The following HPSE2 variants were observed in gnomAD, a reference collection of about 807,000 sequenced individuals.
HPSE2 encodes the protein heparanase 2 (inactive).
HPSE2 carries 38 observed loss-of-function variants against 60.5 expected under a neutral mutation model. The observed-to-expected ratio is 0.63, with a 90% confidence interval of 0.48 to 0.82. The LOEUF (loss-of-function observed/expected upper bound fraction) is 0.82. Among genes scored for constraint, HPSE2 ranks in the 40% least tolerant of loss-of-function variants. The probability of loss-of-function intolerance (pLI) is 0.00; values close to 1 mark genes in which losing one functional copy is unlikely to be tolerated. For synonymous variants in HPSE2, 295 were observed against 293.2 expected, an observed-to-expected ratio of 1.01 and a Z score of -0.06; for missense variants, 713 against 740.4, an observed-to-expected ratio of 0.96 and a Z score of 0.43.
chr10:98,936,289 T>C (rs1954787785), intron 3 of HPSE2, among the ~76,000 whole-genome samples: 1 of 143,710 alleles, frequency 7.0e-6, no homozygotes, highest in Non-Finnish European at 1.5e-5. Flanking sequence ...CCTGGCTTCA[T>C]CCCCCTTTCC....
rs1170956763 is a variant in HPSE2, at chr10:98,941,035, C to T, written c.611-196979G>A. 2.2e-5 allele frequency among the ~76,000 whole-genome samples: 3 copies of T among 133,836 alleles called. 1 individual carries two copies. Among genetic ancestry groups the T allele is most frequent in the South Asian group, 2.2e-4 (1 of 4,560 alleles). The allele number at this position is 133,836 out of a possible 152,430, so 87.8% of individuals were successfully genotyped here. A position where few individuals can be genotyped will look rare whatever the true frequency, so the allele number is the denominator to read the frequency against. On this transcript the variant is annotated intron_variant, in intron 3 of 11. Transcript: ENST00000370552. ...AAGGCCTTTCACAAAATTCAACAAC[C>T]CTTCATGCTAAAACTCTCAATAAAT...
intron 3 of HPSE2, among the ~76,000 whole-genome samples, chr10:98,790,124 G>C (rs563940640): frequency 6.6e-6 from 1 of 151,792 alleles, no homozygotes; most frequent in South Asian, 2.1e-4. Context: ...CAAAGAAGGA[G>C]GTGGCTTTCA....
the HPSE2 span, among the ~76,000 whole-genome samples, chr10:99,276,069 T>C: frequency 6.6e-6 from 1 of 152,188 alleles, no homozygotes; most frequent in Non-Finnish European, 1.5e-5. Flanking sequence ...CCCAAAACAT[T>C]AGGATCTTAT....
At chr10:98,759,100 T>C (rs1949946973) in intron 3 of HPSE2, among the ~76,000 whole-genome samples, 2 of 151,994 alleles carry the variant, frequency 1.3e-5, no homozygotes, top group South Asian at 4.1e-4. Context: ...AACCAAACAC[T>C]GCACATTCTC....
intron 3 of HPSE2, among the ~76,000 whole-genome samples, chr10:99,043,957 G>A (rs1472437203): frequency 1.3e-5 from 2 of 152,124 alleles, no homozygotes; most frequent in African/African-American, 4.8e-5. Context: ...TACAGTCCAC[G>A]AAAATTTCCC....
intron 5 of HPSE2, among the ~76,000 whole-genome samples, chr10:98,701,832 C>T (rs1450443840): frequency 1.3e-5 from 2 of 151,974 alleles, no homozygotes; most frequent in African/African-American, 4.8e-5. Context: ...AGGAAAAAAC[C>T]AGTACCAGCC....
intron 9 of HPSE2, among the ~76,000 whole-genome samples, chr10:98,565,742 A>G (rs1944323774): frequency 6.6e-6 from 1 of 152,218 alleles, no homozygotes; most frequent in Non-Finnish European, 1.5e-5. Context: ...AAAACTTGGA[A>G]GAATTTATTC....
chr10:98,524,742 A>G (rs894842199), intron 9 of HPSE2, among the ~76,000 whole-genome samples: 4 of 152,242 alleles, frequency 2.6e-5, no homozygotes, highest in African/African-American at 9.6e-5. Context: ...TTTGGTAAGA[A>G]CAAAATACAT....
chr10:98,503,004 G>A (rs1244194296), intron 9 of HPSE2, among the ~76,000 whole-genome samples: 1 of 152,102 alleles, frequency 6.6e-6, no homozygotes, highest in Non-Finnish European at 1.5e-5. Context: ...CTGAGGCCAG[G>A]AGTTTGAGAT....
In HPSE2 at chr10:99,174,249, T is replaced by C. The variant is rs140987608; in HGVS notation, c.449-29850A>G. Among the ~76,000 whole-genome samples the C allele has an allele frequency of 2.1e-3, 323 of 152,344 alleles. 1 individual carries two copies. Among genetic ancestry groups the C allele is most frequent in the African/African-American group, 7.3e-3 (304 of 41,584 alleles). On this transcript the variant is annotated intron_variant, in intron 2 of 11. Transcript: ENST00000370552. The stretch of plus-strand genomic sequence containing the variant: ...TCTTATTTCTTCAGACCTTATTAGT[T>C]CTGACATCTGAACTCTCATAGCACT...
the HPSE2 span, among the ~76,000 whole-genome samples, chr10:99,243,263 G>A: frequency 6.6e-6 from 1 of 151,854 alleles, no homozygotes; most frequent in South Asian, 2.1e-4. Flanking sequence ...TGAGGCAGGA[G>A]AATTGCTTGA....
intron 3 of HPSE2, among the ~76,000 whole-genome samples, chr10:98,773,527 A>G (rs1589803439): frequency 6.6e-6 from 1 of 152,210 alleles, no homozygotes; most frequent in Admixed American, 6.5e-5. Flanking sequence ...TAAGTCTCCA[A>G]AAACACTTCT....
chr10:98,985,999 T>G, intron 3 of HPSE2, among the ~76,000 whole-genome samples: 1 of 152,122 alleles, frequency 6.6e-6, no homozygotes, highest in East Asian at 1.9e-4. Context: ...AAGCAAGTCC[T>G]TAGAGACCTA....
chr10:98,589,625 T>C (rs1945033113), intron 9 of HPSE2, among the ~76,000 whole-genome samples: 1 of 152,202 alleles, frequency 6.6e-6, no homozygotes, highest in South Asian at 2.1e-4. Flanking sequence ...AAGACAACCT[T>C]TGTCTCCCCT....
At chr10:98,678,734 A>C (rs565959674) in intron 6 of HPSE2, among the ~76,000 whole-genome samples, 1 of 151,860 alleles carries the variant, frequency 6.6e-6, no homozygotes, top group East Asian at 1.9e-4. Flanking sequence ...GGAACATCTG[A>C]GTTTGGCTAA....
intron 3 of HPSE2, among the ~76,000 whole-genome samples, chr10:98,849,990 T>C (rs1952130532): frequency 6.6e-6 from 1 of 152,182 alleles, no homozygotes; most frequent in Non-Finnish European, 1.5e-5. Context: ...GTGATCCAGC[T>C]GCCTCAGCCT....
rs77542711 is a variant in HPSE2 at position 98,650,275 on chromosome 10, C to T, written c.1005-8335G>A. On this transcript the variant is annotated intron_variant, in intron 6 of 11. Coordinates refer to ENST00000370552, the MANE Select transcript of HPSE2 (RefSeq NM_021828.5). Reference sequence around the variant, plus strand: ...GGTCCTGGAATGGCCACATGTGAGGCCATCCCCAAGGTACATCAGCATTGG... The same window carrying T: ...GGTCCTGGAATGGCCACATGTGAGGTCATCCCCAAGGTACATCAGCATTGG... 5.6e-3 allele frequency among the ~76,000 whole-genome samples: 852 copies of T among 152,310 alleles called. 6 individuals are homozygous for T. The highest frequency in any genetic ancestry group is 0.02 in the African/African-American group (815 of 41,556).
intron 3 of HPSE2, among the ~76,000 whole-genome samples, chr10:98,949,965 A>C (rs1414357371): frequency 2.0e-5 from 3 of 152,144 alleles, no homozygotes; most frequent in Non-Finnish European, 2.9e-5. Context: ...TAAAAATATC[A>C]AGTTTTCTTT....
At chr10:98,569,692 G>A (rs1944442739) in intron 9 of HPSE2, among the ~76,000 whole-genome samples, 2 of 152,136 alleles carry the variant, frequency 1.3e-5, no homozygotes, top group South Asian at 4.1e-4. Flanking sequence ...TCTGTGCTAA[G>A]TTATTCCTAT....
Sources: allele counts gnomAD v4.1 joint callset (sites outside exome capture counted in the v4.1 genomes callset), GRCh38; gene constraint gnomAD v4.1.1; transcripts MANE v1.5; gene names NCBI Gene and HGNC (gene_info 2026-07-23, HGNC 2026-07-21).